The following NFIB variants were observed in gnomAD, a reference collection of about 807,000 sequenced individuals.
The protein encoded by NFIB is nuclear factor I B.
A neutral mutation model predicts 61.5 loss-of-function variants in NFIB; 11 were observed. That is an observed-to-expected ratio of 0.18 (90% confidence interval 0.11 to 0.30). The LOEUF (loss-of-function observed/expected upper bound fraction) is 0.30. NFIB is among the 10% of genes least tolerant of loss of function. The pLI is 1.00. For synonymous variants in NFIB, 260 were observed against 216.5 expected (o/e 1.20, Z -1.76); for missense variants, 471 against 608.9 (o/e 0.77, Z 2.38).
intron 6 of NFIB, among the ~76,000 whole-genome samples, chr9:14,145,885 G>T (rs538200349): frequency 6.6e-6 from 1 of 151,724 alleles, no homozygotes; most frequent in African/African-American, 2.4e-5. Context: ...TTTTAATGCA[G>T]AATTCTATTT....
intron 3 of NFIB, among the ~76,000 whole-genome samples, chr9:14,175,167 C>CTTTTTT (rs55765054): frequency 0.026 from 3,241 of 125,796 alleles, 355 homozygotes; most frequent in African/African-American, 0.094. Context: ...TAAAGAATTT[C>CTTTTTT]TTTTTTTTTT....
the NFIB span, among the ~76,000 whole-genome samples, chr9:14,523,538 G>C: frequency 6.6e-6 from 1 of 152,012 alleles, no homozygotes. Flanking sequence ...ATAAATGTAA[G>C]AATTATGGGG....
the NFIB span, among the ~76,000 whole-genome samples, chr9:14,443,622 G>A: frequency 2.6e-5 from 4 of 152,112 alleles, no homozygotes; most frequent in South Asian, 2.1e-4. Context: ...TAACACTCTC[G>A]GAGATATCTC....
intron 1 of NFIB, among the ~76,000 whole-genome samples, chr9:14,392,232 G>C (rs1186899069): frequency 6.6e-6 from 1 of 152,078 alleles, no homozygotes. Flanking sequence ...GTAGAAAAAG[G>C]GTATTAGGTA....
intron 1 of NFIB, among the ~76,000 whole-genome samples, chr9:14,346,125 G>C (rs1257714459): frequency 1.3e-5 from 2 of 151,984 alleles, no homozygotes; most frequent in Admixed American, 1.3e-4. Flanking sequence ...GGCGCGCCGC[G>C]GGCGCGGGGG....
intron 1 of NFIB, among the ~76,000 whole-genome samples, chr9:14,387,774 C>T: frequency 6.6e-6 from 1 of 152,172 alleles, no homozygotes; most frequent in Admixed American, 6.5e-5. Flanking sequence ...TGTGCTTACT[C>T]TACGACACAG....
chr9:14,088,293 T>G lies in NFIB; in HGVS notation c.*16A>C. On this transcript the variant is annotated 3_prime_UTR_variant, in exon 11 of 11. Transcript: ENST00000380953. ...GTAAGATGGGTGTCCTATTTGACAC[T>G]TGGAAAGGAACCAAGCTAGCCCAGG... 2 of 1,600,472 alleles carry G rather than the reference T, an allele frequency of 1.2e-6. No individual in the cohort carries two copies. Among genetic ancestry groups the G allele is most frequent in the African/African-American group, 1.3e-5 (1 of 74,748 alleles).
chr9:14,427,945 T>TTTTTC, the NFIB span, among the ~76,000 whole-genome samples: 3 of 94,498 alleles, frequency 3.2e-5, no homozygotes, highest in Admixed American at 3.2e-4. Context: ...TTGTTTTTTT[T>TTTTTC]TTTTTTTTTT....
chr9:14,287,009 C>A (rs2058748048), intron 2 of NFIB, among the ~76,000 whole-genome samples: 1 of 152,282 alleles, frequency 6.6e-6, no homozygotes, highest in South Asian at 2.1e-4. Context: ...CATCTAAGAA[C>A]TTTCATTCAC....
intron 6 of NFIB, among the ~76,000 whole-genome samples, chr9:14,141,930 C>T (rs1056942911): frequency 1.1e-4 from 13 of 115,988 alleles, no homozygotes; most frequent in South Asian, 2.8e-4. Context: ...AAAAAAACAA[C>T]GAAATCCCCA....
intron 2 of NFIB, among the ~76,000 whole-genome samples, chr9:14,261,243 G>A (rs1026513400): frequency 6.6e-6 from 1 of 152,066 alleles, no homozygotes; most frequent in African/African-American, 2.4e-5. Flanking sequence ...CTTGAATCTG[G>A]GAGAGGGAGG....
At chr9:14,383,332 T>G (rs994892556) in intron 1 of NFIB, among the ~76,000 whole-genome samples, 2 of 152,192 alleles carry the variant, frequency 1.3e-5, no homozygotes, top group Admixed American at 6.5e-5. Flanking sequence ...ACACTATTGA[T>G]TATATTTTTG....
chr9:14,454,297 A>G, the NFIB span, among the ~76,000 whole-genome samples: 1 of 152,222 alleles, frequency 6.6e-6, no homozygotes, highest in African/African-American at 2.4e-5. Context: ...TGGAACAGTG[A>G]GCCTCTGAGA....
At chr9:14,301,143 G>C (rs1167963160) in intron 2 of NFIB, among the ~76,000 whole-genome samples, 1 of 152,168 alleles carries the variant, frequency 6.6e-6, no homozygotes, top group Non-Finnish European at 1.5e-5. Context: ...TGTAGCAATA[G>C]ATGGCCTCTC....
chr9:14,143,664 A>G (rs1256783833), intron 6 of NFIB, among the ~76,000 whole-genome samples: 1 of 152,204 alleles, frequency 6.6e-6, no homozygotes, highest in African/African-American at 2.4e-5. Flanking sequence ...AGGGCTTTGT[A>G]GGAGAAAATA....
chr9:14,253,937 T>C (rs943842198), intron 2 of NFIB, among the ~76,000 whole-genome samples: 5 of 152,168 alleles, frequency 3.3e-5, no homozygotes, highest in Admixed American at 2.6e-4. Flanking sequence ...TGACTTTTGC[T>C]CATGCTGTTC....
At position 14,398,840 on chromosome 9, in the gene NFIB, G is replaced by A. The variant is rs1196422367; in HGVS notation, c.-209C>T. 3.8e-5 allele frequency: 19 copies of A among 496,178 alleles called. 1 individual carries two copies. The South Asian group carries it at 4.6e-4, about 12-fold the overall frequency. 30.7% of individuals were successfully genotyped at this position (496,178 alleles called of 1,614,324 possible). On this transcript the variant is annotated 5_prime_UTR_variant, in exon 1 of 9. Transcript: ENST00000380934. ...AAAACAAAATAGAACAAGAACAAAG[G>A]GGTCCTGTACACTCGAGGAGTTTAC...
At chr9:14,221,992 C>T (rs185527930) in intron 2 of NFIB, among the ~76,000 whole-genome samples, 2 of 152,260 alleles carry the variant, frequency 1.3e-5, no homozygotes, top group East Asian at 3.9e-4. Context: ...CCCTTCATTA[C>T]CTTTCCCTCC....
intron 1 of NFIB, among the ~76,000 whole-genome samples, chr9:14,338,377 G>C (rs2060909402): frequency 6.8e-6 from 1 of 146,994 alleles, no homozygotes; most frequent in Non-Finnish European, 1.5e-5. Flanking sequence ...CTGGGTGACA[G>C]AGCGAGACTC....
Sources: allele counts gnomAD v4.1 joint callset (sites outside exome capture counted in the v4.1 genomes callset), GRCh38; gene constraint gnomAD v4.1.1; transcripts MANE v1.5; gene names NCBI Gene and HGNC (gene_info 2026-07-23, HGNC 2026-07-21).